GRM1: variants seen among roughly 807,000 people sequenced by gnomAD.
GRM1 encodes the protein metabotropic glutamate receptor 1.
GRM1 carries 33 observed loss-of-function variants against 90.9 expected under a neutral mutation model. The ratio of observed to expected loss-of-function variants is 0.36; its 90% CI spans 0.28 to 0.49. The LOEUF (loss-of-function observed/expected upper bound fraction) is 0.49, where lower values mean the gene tolerates loss of function less well. Among genes scored for constraint, GRM1 ranks in the 20% least tolerant of loss-of-function variants. The pLI is 0.99. For missense variants in GRM1, 1,190 were observed against 1,534.3 expected, an observed-to-expected ratio of 0.78 and a Z score of 3.75; for synonymous variants, 700 against 613.2, an observed-to-expected ratio of 1.14 and a Z score of -2.09.
At chr6:146,272,381 T>G (rs1474993208) in intron 2 of GRM1, among the ~76,000 whole-genome samples, 1 of 152,248 alleles carries the variant, frequency 6.6e-6, no homozygotes, top group African/African-American at 2.4e-5. Context: ...ATTTATGTTG[T>G]GGGACCTGAA....
intron 1 of GRM1, among the ~76,000 whole-genome samples, chr6:146,145,959 T>TA (rs1777078256): frequency 6.6e-6 from 1 of 152,092 alleles, no homozygotes; most frequent in Admixed American, 6.5e-5. Flanking sequence ...GACATATAGT[T>TA]AAAGGAGATT....
intron 3 of GRM1, among the ~76,000 whole-genome samples, chr6:146,338,179 G>C (rs1034486490): frequency 3.3e-5 from 5 of 152,194 alleles, no homozygotes; most frequent in African/African-American, 1.2e-4. Flanking sequence ...TCAAATATTA[G>C]ATAAATGCTA....
chr6:146,224,598 ACTT>A (rs754982834), intron 2 of GRM1, among the ~76,000 whole-genome samples: 2 of 152,264 alleles, frequency 1.3e-5, no homozygotes, highest in Non-Finnish European at 1.5e-5. Flanking sequence ...TCCTACATTC[ACTT>A]CTTATCACAA....
At chr6:146,195,641 A>T (rs1254683912) in intron 2 of GRM1, among the ~76,000 whole-genome samples, 5 of 152,212 alleles carry the variant, frequency 3.3e-5, no homozygotes, top group African/African-American at 1.2e-4. Flanking sequence ...ATTCTCTAAT[A>T]CAAATTTACT....
chr6:146,203,008 A>G (rs1453508976), intron 2 of GRM1, among the ~76,000 whole-genome samples: 1 of 151,870 alleles, frequency 6.6e-6, no homozygotes, highest in Non-Finnish European at 1.5e-5. Context: ...ATCCTGGCTA[A>G]CACGGTGAAA....
Position 146,273,710 on chromosome 6 carries a change from A to G in GRM1, c.951-30901A>G, listed in dbSNP as rs1048694615. 3.0e-4 allele frequency among the ~76,000 whole-genome samples: 45 copies of G among 152,344 alleles called. 1 individual carries two copies. Among genetic ancestry groups the G allele is most frequent in the Admixed American group, 1.6e-3 (25 of 15,302 alleles). Reference sequence around the variant, plus strand: ...TGTTTCTTTTATAAACCAGAGGGTAAATACAAAATGTCCCCTTTAAAGGAG... The same window carrying G: ...TGTTTCTTTTATAAACCAGAGGGTAGATACAAAATGTCCCCTTTAAAGGAG... On this transcript the variant is annotated intron_variant, in intron 2 of 7. Transcript: ENST00000282753.
chr6:146,263,302 T>G (rs965685390), intron 2 of GRM1, among the ~76,000 whole-genome samples: 3 of 152,024 alleles, frequency 2.0e-5, no homozygotes, highest in African/African-American at 7.2e-5. Flanking sequence ...GAATAGTTTA[T>G]TATATAATTA....
At chr6:146,178,244 T>G (rs1778408032) in intron 2 of GRM1, among the ~76,000 whole-genome samples, 1 of 152,180 alleles carries the variant, frequency 6.6e-6, no homozygotes, top group Non-Finnish European at 1.5e-5. Context: ...TCTGGTAGTT[T>G]GTAGAATGTC....
At chr6:146,387,117 A>C in intron 6 of GRM1, 101 bp downstream of exon 6, 3 of 1,111,852 alleles carry the variant, frequency 2.7e-6, no homozygotes, top group Non-Finnish European at 4.1e-6. Flanking sequence ...TCTCAATGTT[A>C]ATTTACAATG....
rs879587065 is a variant in GRM1, at chr6:146,156,987, A to C, written c.701-2361A>C. On this transcript the variant is annotated intron_variant, in intron 1 of 7. Coordinates refer to ENST00000282753, the MANE Select transcript of GRM1 (RefSeq NM_001278064.2). ...GTTAAAGTGTCTATAAATGGATACCATCAGGTAGGTAAATAAACCAATCTT... is the reference window on the plus strand; with the variant it reads ...GTTAAAGTGTCTATAAATGGATACCCTCAGGTAGGTAAATAAACCAATCTT... 5.3e-5 allele frequency among the ~76,000 whole-genome samples: 8 copies of C among 152,370 alleles called. No homozygotes were observed. The East Asian group carries it at 1.5e-3, about 29-fold the overall frequency.
intron 1 of GRM1, among the ~76,000 whole-genome samples, chr6:146,091,059 C>T (rs1271472193): frequency 1.3e-5 from 2 of 152,090 alleles, no homozygotes; most frequent in African/African-American, 4.8e-5. Flanking sequence ...TCTGCTCCCC[C>T]AACCTGTGAA....
intron 1 of GRM1, among the ~76,000 whole-genome samples, chr6:146,045,224 G>T (rs188676390): frequency 2.0e-5 from 3 of 152,018 alleles, no homozygotes; most frequent in East Asian, 1.9e-4. Flanking sequence ...TTATAGAAAA[G>T]ATATTTATCT....
At chr6:146,118,241 G>A (rs1301065307) in intron 1 of GRM1, among the ~76,000 whole-genome samples, 2 of 145,600 alleles carry the variant, frequency 1.4e-5, no homozygotes, top group Admixed American at 7.1e-5. Flanking sequence ...CTGGGTTCAC[G>A]CCATTCTCCT....
At chr6:146,258,094 T>C (rs1781554586) in intron 2 of GRM1, among the ~76,000 whole-genome samples, 1 of 152,172 alleles carries the variant, frequency 6.6e-6, no homozygotes, top group Admixed American at 6.6e-5. Flanking sequence ...TCTTCAGGTT[T>C]TCAGGTTGAA....
chr6:146,255,655 T>A (rs1781452292), intron 2 of GRM1, among the ~76,000 whole-genome samples: 1 of 152,150 alleles, frequency 6.6e-6, no homozygotes, highest in Admixed American at 6.6e-5. Flanking sequence ...TTCATTTTCT[T>A]CTTCAAACCA....
chr6:146,070,376 A>G (rs2128858279), intron 1 of GRM1, among the ~76,000 whole-genome samples: 1 of 152,244 alleles, frequency 6.6e-6, no homozygotes, highest in Non-Finnish European at 1.5e-5. Context: ...GTCTTATGGT[A>G]TGCGCTTTAT....
intron 1 of GRM1, among the ~76,000 whole-genome samples, chr6:146,155,113 AAGAATATTTTCTCGTGG>A (rs752261772): frequency 7.4e-4 from 113 of 152,312 alleles, no homozygotes; most frequent in Admixed American, 1.7e-3. Flanking sequence ...AAAAAGCCAT[AAGAATATTTTCTCGTGG>A]AGATTACATT....
chr6:146,372,959 T>G (rs1466815298), intron 5 of GRM1, among the ~76,000 whole-genome samples: 1 of 152,134 alleles, frequency 6.6e-6, no homozygotes, highest in South Asian at 2.1e-4. Context: ...GTTTTTGTGG[T>G]TCTATACAAA....
intron 5 of GRM1, among the ~76,000 whole-genome samples, chr6:146,377,047 C>G (rs1192670613): frequency 6.6e-6 from 1 of 152,014 alleles, no homozygotes; most frequent in African/African-American, 2.4e-5. Context: ...GGTTGTGAGG[C>G]CTTGGAGGTT....
Sources: gnomAD v4.1 joint callset for allele counts (sites outside exome capture counted in the v4.1 genomes callset) on GRCh38, gnomAD v4.1.1 for gene constraint, MANE v1.5 for transcripts, NCBI Gene and HGNC (gene_info 2026-07-23, HGNC 2026-07-21) for gene names.